The following ZNF667 variants were observed in gnomAD, a reference collection of about 807,000 sequenced individuals.
The protein encoded by ZNF667 is myocardial ischemic preconditioning upregulated 1 ortholog.
Under a neutral mutation model 31.8 loss-of-function variants are expected in ZNF667, and 13 were observed. The observed-to-expected ratio is 0.41, with a 90% CI of 0.27 to 0.65. The LOEUF (loss-of-function observed/expected upper bound fraction) is 0.65, where lower values mean the gene tolerates loss of function less well. Ranked by LOEUF, ZNF667 falls within the 30% of genes least tolerant of loss-of-function variation. ZNF667 has a pLI of 0.32. For synonymous variants in ZNF667, 228 were observed against 247.1 expected, an observed-to-expected ratio of 0.92 and a Z score of 0.73; for missense variants, 642 against 725.6, an observed-to-expected ratio of 0.88 and a Z score of 1.32.
rs1228887569 is a variant in ZNF667, at chr19:56,460,835, G to A, written c.34-20C>T. 6.4e-7 allele frequency: 1 copy of A among 1,573,232 alleles called. No individual in the cohort carries two copies. The highest frequency in any genetic ancestry group is 8.6e-7 in the Non-Finnish European group (1 of 1,160,818). ...AGGTGCCTGAAATGAAAAATCAAAT[G>A]TCTATTCACCATGGACTTGTGCTTC... is the stretch of plus-strand genomic sequence containing the variant. On this transcript the variant is annotated intron_variant, in intron 4 of 6. Coordinates refer to ENST00000504904, the MANE Select transcript of ZNF667 (RefSeq NM_001321356.2).
Position 56,440,515 on chromosome 19 carries a change from C to T in ZNF667, c.*647G>A, listed in dbSNP as rs1478868202. ...GATAATTCTAGATCTGAGAAACAGA[C>T]TCAAATTCTTTTTTCTGTGACCTTA... On this transcript the variant is annotated 3_prime_UTR_variant, in exon 7 of 7. Coordinates refer to ENST00000504904, the MANE Select transcript of ZNF667 (RefSeq NM_001321356.2). 2 of 858,370 alleles carry T rather than the reference C, an allele frequency of 2.3e-6. No individual in the cohort carries two copies. Among genetic ancestry groups the T allele is most frequent in the Non-Finnish European group, 2.8e-6 (2 of 713,964 alleles). The allele number at this position is 858,370 out of a possible 1,614,324, so 53.2% of individuals were successfully genotyped here.
Position 56,441,563 on chromosome 19 carries a change from T to C in ZNF667, c.1432A>G (p.Lys478Glu). 1 of 1,614,242 alleles carries C rather than the reference T, an allele frequency of 6.2e-7. No homozygotes were observed. Among genetic ancestry groups the C allele is most frequent in the South Asian group, 1.1e-5 (1 of 91,086 alleles). The change falls in exon 7 of 7, where the codon AAA (lysine) becomes GAA (glutamate). Residue 478 changes from lysine to glutamate, a missense_variant. Transcript: ENST00000504904. The surrounding 1 kb of genome is among the most constrained non-coding windows in gnomAD (Gnocchi z 4.2). ...AGAGATATTCGGTGGCTGAAGGCTT[T>C]TCCACATTCCTCACACTGGTAGGGT... ...EKPYQCEECG[K>E]AFSHRISLTR...
At chr19:56,457,564 A>T (rs2042959772) in intron 6 of ZNF667, among the ~76,000 whole-genome samples, 1 of 152,194 alleles carries the variant, frequency 6.6e-6, no homozygotes, top group Admixed American at 6.5e-5. Context: ...AAGACCCTGA[A>T]CTTAGAAGAG....
At chr19:56,465,933 C>T (rs989686476) in intron 3 of ZNF667, among the ~76,000 whole-genome samples, 3 of 152,208 alleles carry the variant, frequency 2.0e-5, no homozygotes, top group Admixed American at 6.5e-5. Flanking sequence ...ATACAATTTA[C>T]GCCTTATGTT....
chr19:56,455,046 C>T (rs889533529), intron 6 of ZNF667, among the ~76,000 whole-genome samples: 21 of 152,092 alleles, frequency 1.4e-4, no homozygotes, highest in African/African-American at 3.6e-4. Flanking sequence ...CAAAGACATA[C>T]GTACACATGG....
Position 56,458,197 on chromosome 19 carries a change from C to T in ZNF667, c.211G>A (p.Ala71Thr). 1.2e-6 allele frequency: 2 copies of T among 1,614,198 alleles called. No homozygotes were observed. The highest frequency in any genetic ancestry group is 1.7e-6 in the Non-Finnish European group (2 of 1,180,038). The change falls in exon 6 of 7, where the codon GCA becomes ACA. Residue 71 changes from alanine (A) to threonine (T), a missense_variant. Coordinates refer to ENST00000504904, the MANE Select transcript of ZNF667 (RefSeq NM_001321356.2). ...NVITLLEKGKAPWMVEPVRRR... is the reference protein window; with the variant it reads ...NVITLLEKGKTPWMVEPVRRR... The stretch of plus-strand genomic sequence containing the variant: ...CTTACTGGCTCTACCATCCAGGGTG[C>T]TTTCCCTTTCTCCAATAAGGTGATC...
rs572133672 is a variant in ZNF667 at position 56,441,772 on chromosome 19, T to G, written c.1223A>C (p.His408Pro). ...HSSLIQHQKV[H>P]TKKKKLFECK... ...CTCAAATAGTTTCTTTTTCTTTGTA[T>G]GAACTTTCTGATGTTGAATAAGGGA... The change falls in exon 7 of 7, where the codon CAT becomes CCT. Residue 408 changes from histidine to proline, a missense_variant. Coordinates refer to ENST00000504904, the MANE Select transcript of ZNF667 (RefSeq NM_001321356.2). The surrounding 1 kb of genome is among the most constrained non-coding windows in gnomAD (Gnocchi z 4.2). 9.9e-6 allele frequency: 16 copies of G among 1,613,988 alleles called. No homozygotes were observed. Among genetic ancestry groups the G allele is most frequent in the Non-Finnish European group, 1.4e-5 (16 of 1,180,022 alleles).
chr19:56,458,404 TATAAGA>T (rs1210682971), intron 5 of ZNF667, among the ~76,000 whole-genome samples, 157 bp from the exon 6 acceptor site: 6 of 152,336 alleles, frequency 3.9e-5, no homozygotes, highest in Admixed American at 3.3e-4. Context: ...TATTGTGATT[TATAAGA>T]ATATGTATTT....
At chr19:56,477,405 G>GGCGCGTGGCCCCGCCCCCA (rs2043439337), upstream of ZNF667, 2 of 151,776 alleles carry the variant, frequency 1.3e-5, no homozygotes, top group Non-Finnish European at 2.9e-5. Context: ...CACGCATGCG[G>GGCGCGTGGCCCCGCCCCCA]GCGCGTGGCC....
rs2042608404 is a variant in ZNF667, at chr19:56,441,771, A to G, written c.1224T>C (p.His408=). ...HSSLIQHQKV[H]TKKKKLFECK... is the part of the protein sequence containing the mutation. ...ACTCAAATAGTTTCTTTTTCTTTGT[A>G]TGAACTTTCTGATGTTGAATAAGGG... The change falls in exon 7 of 7, where the codon CAT becomes CAC. Residue 408 remains histidine, a synonymous_variant. Transcript: ENST00000504904. The surrounding 1 kb of genome is among the most constrained non-coding windows in gnomAD (Gnocchi z 4.2). 3.7e-6 allele frequency: 6 copies of G among 1,613,930 alleles called. No homozygotes were observed. Among genetic ancestry groups the G allele is most frequent in the Non-Finnish European group, 5.1e-6 (6 of 1,180,010 alleles).
Position 56,442,174 on chromosome 19 carries a change from A to G in ZNF667, c.821T>C (p.Ile274Thr). The change falls in exon 7 of 7, where the codon ATT (isoleucine) becomes ACT (threonine). Residue 274 changes from isoleucine to threonine, a missense_variant. Physicochemically the swap from Ile to Thr is moderately conservative, Grantham distance 89. Coordinates refer to ENST00000504904, the MANE Select transcript of ZNF667 (RefSeq NM_001321356.2). ...QMSSLLLHKK[I>T]HNGKKTHKYN... ...TTTATGTGTTTTCTTTCCATTGTGAATTTTCTTATGAAGTAAAAGGGATGA... is the reference window on the plus strand; with the variant it reads ...TTTATGTGTTTTCTTTCCATTGTGAGTTTTCTTATGAAGTAAAAGGGATGA... 1 of 1,613,498 alleles carries G rather than the reference A, an allele frequency of 6.2e-7. No individual in the cohort carries two copies. The highest frequency in any genetic ancestry group is 8.5e-7 in the Non-Finnish European group (1 of 1,179,846).
At chr19:56,475,278 T>C (rs1025607335) in intron 1 of ZNF667, 4 of 152,230 alleles carry the variant, frequency 2.6e-5, no homozygotes, top group Non-Finnish European at 4.4e-5. Flanking sequence ...CAATCCATGG[T>C]AGGCACTCAC....
chr19:56,458,381 A>G, intron 5 of ZNF667, 134 bp from the exon 6 acceptor site: 10 of 699,326 alleles, frequency 1.4e-5, no homozygotes, highest in Non-Finnish European at 2.3e-5. Flanking sequence ...CAGCTGGAGA[A>G]TGGGGAGTGT....
chr19:56,444,636 TC>T, intron 6 of ZNF667, among the ~76,000 whole-genome samples: 1 of 114,484 alleles, frequency 8.7e-6, no homozygotes, highest in East Asian at 2.7e-4. Flanking sequence ...TCCAATCACC[TC>T]CCACAGACCC....
At position 56,466,560 on chromosome 19, in the gene ZNF667, TG is replaced by T. The variant is rs200591250; in HGVS notation, c.-59-4132del. ...GAGGGACCCCTGGTTACCAGGCCTCTGGTTTAATAAAACATGACTAGAGTGA... is the reference window on the plus strand; with the variant it reads ...GAGGGACCCCTGGTTACCAGGCCTCTGTTTAATAAAACATGACTAGAGTGA... On this transcript the variant is annotated intron_variant, in intron 3 of 6. Transcript: ENST00000504904. Among the ~76,000 whole-genome samples, 1,009 of 152,326 alleles carry T rather than the reference TG, an allele frequency of 6.6e-3. 10 individuals carry two copies. The highest frequency in any genetic ancestry group is 0.023 in the African/African-American group (967 of 41,584).
At chr19:56,464,239 C>T (rs2043111226) in intron 3 of ZNF667, among the ~76,000 whole-genome samples, 1 of 152,154 alleles carries the variant, frequency 6.6e-6, no homozygotes, top group Non-Finnish European at 1.5e-5. Context: ...CTTTAATGGG[C>T]CAGCCCAATG....
In ZNF667 at chr19:56,441,796, G is replaced by C. The variant is rs780394785; in HGVS notation, c.1199C>G (p.Ser400Cys). ...ATGAACTTTCTGATGTTGAATAAGG[G>C]ATGAATGCCGATTGCAGACCTTCTC... ...KCEKVCNRHS[S>C]LIQHQKVHTK... Residue 400 changes from serine to cysteine, a missense_variant, in exon 7 of 7, where the codon TCC (serine) becomes TGC (cysteine). Transcript: ENST00000504904. The surrounding 1 kb of genome is among the most constrained non-coding windows in gnomAD (Gnocchi z 4.2). The C allele has an allele frequency of 6.2e-7, 1 of 1,614,000 alleles. No homozygotes were observed.
intron 6 of ZNF667, chr19:56,444,235 G>A (rs984996510): frequency 1.0e-5 from 4 of 398,452 alleles, no homozygotes; most frequent in African/African-American, 4.1e-5. Context: ...GGCTGTACAA[G>A]CATGGTGCTG....
chr19:56,471,113 TAA>T (rs1486976090), intron 3 of ZNF667, among the ~76,000 whole-genome samples: 4 of 152,088 alleles, frequency 2.6e-5, no homozygotes, highest in Admixed American at 6.5e-5. Context: ...GTTCCCGTGA[TAA>T]GAGTTCTCAC....
Sources: gnomAD v4.1 joint callset for allele counts (sites outside exome capture counted in the v4.1 genomes callset) on GRCh38, gnomAD v4.1.1 for gene constraint, Gnocchi (gnomAD v3.1) non-coding constraint, MANE v1.5 for transcripts, NCBI Gene and HGNC (gene_info 2026-07-23, HGNC 2026-07-21) for gene names.